The following BOC variants were observed in gnomAD, a reference collection of about 807,000 sequenced individuals.
BOC encodes brother of CDO.
Under a neutral mutation model 112.0 loss-of-function variants are expected in BOC, and 76 were observed. The observed-to-expected ratio is 0.68, with a 90% CI of 0.56 to 0.82. The LOEUF (loss-of-function observed/expected upper bound fraction) is 0.82, where lower values mean the gene tolerates loss of function less well. BOC is among the 40% of genes least tolerant of loss of function. The pLI, the probability that BOC is intolerant of heterozygous loss-of-function variation, is 0.00. For missense variants in BOC, 1,309 were observed against 1,511.7 expected (o/e 0.87, Z 2.22); for synonymous variants, 580 against 599.8 (o/e 0.97, Z 0.48).
At chr3:113,239,564 C>A (rs987616829) in intron 2 of BOC, among the ~76,000 whole-genome samples, 8 of 152,246 alleles carry the variant, frequency 5.3e-5, no homozygotes, top group African/African-American at 1.4e-4. Context: ...ATGTCACATA[C>A]TGTACATGCT....
At chr3:113,235,153 C>T (rs1003164865) in intron 2 of BOC, among the ~76,000 whole-genome samples, 3 of 152,176 alleles carry the variant, frequency 2.0e-5, no homozygotes, top group African/African-American at 7.2e-5. Context: ...TACTGTCCAC[C>T]CAGGCTTTAA....
At chr3:113,214,600 G>A (rs1157337686) in intron 1 of BOC, among the ~76,000 whole-genome samples, 3 of 152,120 alleles carry the variant, frequency 2.0e-5, no homozygotes, top group Non-Finnish European at 2.9e-5. Context: ...TATTAACTTG[G>A]CACCAAAAGA....
intron 2 of BOC, among the ~76,000 whole-genome samples, chr3:113,245,508 C>A (rs1004578987): frequency 1.3e-5 from 2 of 152,152 alleles, no homozygotes; most frequent in African/African-American, 4.8e-5. Context: ...GGAGTACTAC[C>A]CTCTTTCTTG....
intron 9 of BOC, among the ~76,000 whole-genome samples, chr3:113,276,385 A>G (rs1334818332): frequency 6.6e-6 from 1 of 151,812 alleles, no homozygotes; most frequent in South Asian, 2.1e-4. Context: ...GTGTGAGGCC[A>G]GTGCTGGGAG....
At chr3:113,257,652 A>G (rs1484003150) in intron 4 of BOC, among the ~76,000 whole-genome samples, 1 of 143,302 alleles carries the variant, frequency 7.0e-6, no homozygotes, top group African/African-American at 3.0e-5. Flanking sequence ...AATTAATAAA[A>G]TAATTTATCT....
At position 113,285,413 on chromosome 3, in the gene BOC, C is replaced by T; in HGVS notation, c.3008C>T (p.Thr1003Ile). The change falls in exon 19 of 20, where the codon ACA (threonine) becomes ATA (isoleucine). Residue 1003 changes from threonine to isoleucine, a missense_variant. Coordinates refer to ENST00000682979, the MANE Select transcript of BOC (RefSeq NM_001378074.1). Reference protein sequence around the residue: ...SSPDEGSFLYTLPDDSTHQLL... With the variant: ...SSPDEGSFLYILPDDSTHQLL... ...CCGGACGAGGGCTCTTTCTTATACA[C>T]ACTGCCCGACGACTCCACTCACCAG... 1 of 1,613,780 alleles carries T rather than the reference C, an allele frequency of 6.2e-7. No individual in the cohort carries two copies. The highest frequency in any genetic ancestry group is 8.5e-7 in the Non-Finnish European group (1 of 1,179,890).
At chr3:113,219,899 TC>T (rs1219515754) in intron 2 of BOC, among the ~76,000 whole-genome samples, 3 of 152,098 alleles carry the variant, frequency 2.0e-5, no homozygotes, top group Non-Finnish European at 4.4e-5. Context: ...TCTTATTTCT[TC>T]CCCCCTCCCC....
chr3:113,279,510 G>A (rs1246382969), intron 12 of BOC, 55 bp downstream of exon 12: 10 of 1,538,118 alleles, frequency 6.5e-6, no homozygotes, highest in East Asian at 4.6e-5. Context: ...GCCCCTTTCC[G>A]CCTGGAGGAG....
chr3:113,239,148 T>A lies in BOC; in HGVS notation c.-81-10574T>A, dbSNP rs1002995181. Among the ~76,000 whole-genome samples the A allele has an allele frequency of 3.9e-5, 6 of 152,250 alleles. 1 individual carries two copies. The highest frequency in any genetic ancestry group is 1.4e-4 in the African/African-American group (6 of 41,460). The stretch of plus-strand genomic sequence containing the variant: ...CATCTCAATTTTTATCTTGATTACA[T>A]GTTGAAATTATAAATTTTGGATATA... On this transcript the variant is annotated intron_variant, in intron 2 of 19. Transcript: ENST00000682979.
chr3:113,256,139 A>C lies in BOC; in HGVS notation c.376+5306A>C, dbSNP rs139768214. Among the ~76,000 whole-genome samples the C allele has an allele frequency of 3.9e-3, 601 of 152,308 alleles. 4 individuals carry two copies. The highest frequency in any genetic ancestry group is 0.014 in the African/African-American group (577 of 41,544). ...TTATTTGTTCGCCCATGTGGTTGTC[A>C]AACATTTCTGGAGTGTCTCCTTTCT... On this transcript the variant is annotated intron_variant, in intron 4 of 19. Transcript: ENST00000682979.
chr3:113,243,741 A>C (rs1014347049), intron 2 of BOC, among the ~76,000 whole-genome samples: 4 of 152,256 alleles, frequency 2.6e-5, no homozygotes, highest in East Asian at 1.9e-4. Flanking sequence ...TTGCTTGTAC[A>C]TACCTCAAGA....
Position 113,283,508 on chromosome 3 carries a change from T to A in BOC, c.2532T>A (p.Thr844=). ...AAACCATAGAGCGGCCGGTGGGCAC[T>A]GGGGCCATGGTGGCTCGCTCCAGCG... is the stretch of plus-strand genomic sequence containing the variant. ...LPETIERPVG[T]GAMVARSSDL... Residue 844 remains threonine, a synonymous_variant, in exon 16 of 20, where the codon ACT becomes ACA. Transcript: ENST00000682979. 6.2e-7 allele frequency: 1 copy of A among 1,614,026 alleles called. No homozygotes were observed.
intron 5 of BOC, 61 bp from the exon 6 acceptor site, chr3:113,270,740 A>C (rs569373792): frequency 2.1e-4 from 314 of 1,529,588 alleles, no homozygotes; most frequent in Non-Finnish European, 2.5e-4. Context: ...CCTTTGTGGA[A>C]GCTGCAGAGT....
chr3:113,226,502 A>G (rs1941683183), intron 2 of BOC, among the ~76,000 whole-genome samples: 1 of 152,242 alleles, frequency 6.6e-6, no homozygotes, highest in African/African-American at 2.4e-5. Context: ...AGACCCCTTA[A>G]TAACTAAGTT....
intron 2 of BOC, among the ~76,000 whole-genome samples, chr3:113,236,466 T>A (rs181041501): frequency 7.5e-6 from 1 of 133,708 alleles, no homozygotes; most frequent in Admixed American, 8.5e-5. Context: ...CTAAATAATG[T>A]GTACACATAG....
At chr3:113,280,926 G>A in intron 14 of BOC, 105 bp from the exon 15 acceptor site, 2 of 1,477,580 alleles carry the variant, frequency 1.4e-6, no homozygotes, top group Non-Finnish European at 9.2e-7. Context: ...GCCAGTCAGT[G>A]GCATCCTCCC....
intron 2 of BOC, among the ~76,000 whole-genome samples, chr3:113,228,801 C>G (rs1942108698): frequency 6.6e-6 from 1 of 152,138 alleles, no homozygotes; most frequent in African/African-American, 2.4e-5. Flanking sequence ...CAAACCCTTC[C>G]CCTCTGATCT....
chr3:113,230,358 T>C (rs1268755065), intron 2 of BOC, among the ~76,000 whole-genome samples: 1 of 152,198 alleles, frequency 6.6e-6, no homozygotes, highest in Non-Finnish European at 1.5e-5. Flanking sequence ...TAGTGCATGA[T>C]TCCAACTCAG....
intron 4 of BOC, among the ~76,000 whole-genome samples, chr3:113,255,895 A>G (rs775220): frequency 0.025 from 3,739 of 152,366 alleles, 157 homozygotes; most frequent in African/African-American, 0.086. Flanking sequence ...TATAATGGAA[A>G]AAACAAGAAG....
Sources: allele counts gnomAD v4.1 joint callset (sites outside exome capture counted in the v4.1 genomes callset), GRCh38; gene constraint gnomAD v4.1.1; transcripts MANE v1.5; gene names NCBI Gene and HGNC (gene_info 2026-07-23, HGNC 2026-07-21).